ST8SIA5: variants seen among roughly 807,000 people sequenced by gnomAD.
The protein encoded by ST8SIA5 is ST8 alpha-N-acetyl-neuraminide alpha-2,8-sialyltransferase 5, also known as alpha-2,8-sialyltransferase 8E.
A neutral mutation model predicts 40.2 loss-of-function variants in ST8SIA5; 24 were observed. That is an observed-to-expected ratio of 0.60 (90% confidence interval 0.43 to 0.84). The LOEUF is 0.84. ST8SIA5 is among the 40% of genes least tolerant of loss of function. ST8SIA5 has a pLI of 0.00. For synonymous variants in ST8SIA5, 198 were observed against 201.8 expected (o/e 0.98, Z 0.16); for missense variants, 465 against 498.5 (o/e 0.93, Z 0.64).
At chr18:46,719,682 T>TTGTCTTTCTTTCTTTCTTTCTTTC (rs2039833098) in intron 1 of ST8SIA5, among the ~76,000 whole-genome samples, 1 of 107,064 alleles carries the variant, frequency 9.3e-6, no homozygotes, top group Non-Finnish European at 1.9e-5. Flanking sequence ...TTCTTTTCTT[T>TTGTCTTTCTTTCTTTCTTTCTTTC]TTTCTTTCTT....
intron 1 of ST8SIA5, among the ~76,000 whole-genome samples, chr18:46,713,843 T>C (rs1033039639): frequency 6.6e-6 from 1 of 152,038 alleles, no homozygotes; most frequent in East Asian, 1.9e-4. Flanking sequence ...CCCTCTGCCG[T>C]AGGTGGAAGC....
At chr18:46,720,889 A>G (rs1021431760) in intron 1 of ST8SIA5, among the ~76,000 whole-genome samples, 11 of 152,304 alleles carry the variant, frequency 7.2e-5, no homozygotes, top group Admixed American at 2.6e-4. Flanking sequence ...ACCTTGATGG[A>G]AATGGTTCTG....
chr18:46,723,570 AT>A (rs1334733222), intron 1 of ST8SIA5, among the ~76,000 whole-genome samples: 2 of 152,144 alleles, frequency 1.3e-5, no homozygotes, highest in African/African-American at 4.8e-5. Flanking sequence ...GAATGAATGG[AT>A]AGATGAATGA....
intron 1 of ST8SIA5, among the ~76,000 whole-genome samples, chr18:46,712,330 C>A (rs2039740928): frequency 1.3e-5 from 2 of 152,142 alleles, no homozygotes; most frequent in South Asian, 4.1e-4. Context: ...ATCCTAGCTG[C>A]CTCCTTCTCC....
At chr18:46,735,827 A>G (rs1482524051) in intron 1 of ST8SIA5, among the ~76,000 whole-genome samples, 1 of 151,834 alleles carries the variant, frequency 6.6e-6, no homozygotes, top group Non-Finnish European at 1.5e-5. Context: ...TGCCCAGGCT[A>G]GTCTCAAATT....
chr18:46,692,994 A>G (rs1032163091), intron 2 of ST8SIA5, among the ~76,000 whole-genome samples: 6 of 151,674 alleles, frequency 4.0e-5, no homozygotes, highest in African/African-American at 1.5e-4. Context: ...ACCCTGCCTT[A>G]TCCATTCCCT....
intron 1 of ST8SIA5, among the ~76,000 whole-genome samples, chr18:46,755,476 A>G (rs1167639968): frequency 6.6e-6 from 1 of 152,178 alleles, no homozygotes; most frequent in Admixed American, 6.5e-5. Flanking sequence ...AGAGGCTCTG[A>G]TATGGGTGTA....
rs2039952369 is a variant in ST8SIA5, at chr18:46,728,343, AG to A, written c.132-23680del. On this transcript the variant is annotated intron_variant, in intron 1 of 6. Transcript: ENST00000315087. ...GTGGAGGCAATTTTGTGGGGGACAC[AG>A]GAAGGGGAGGAAGTGGCACATGCGT... Among the ~76,000 whole-genome samples, 3 of 152,340 alleles carry A rather than the reference AG, an allele frequency of 2.0e-5. No homozygotes were observed. In the East Asian group the frequency reaches 5.8e-4, roughly 29 times the overall value.
intron 1 of ST8SIA5, among the ~76,000 whole-genome samples, chr18:46,743,881 C>G (rs1568279784): frequency 6.6e-6 from 1 of 152,230 alleles, no homozygotes; most frequent in Non-Finnish European, 1.5e-5. Context: ...AGAAACCCTA[C>G]AAGCCAGAAG....
chr18:46,727,407 G>A (rs1435487357), intron 1 of ST8SIA5, among the ~76,000 whole-genome samples: 1 of 152,186 alleles, frequency 6.6e-6, no homozygotes, highest in Non-Finnish European at 1.5e-5. Context: ...ATCAGAGGAT[G>A]GGGAAAGCTG....
chr18:46,668,490 C>T lies in ST8SIA5; in HGVS notation c.*11552G>A, dbSNP rs924669411. The T allele has an allele frequency of 6.5e-6, 1 of 152,804 alleles. No individual in the cohort carries two copies. Among genetic ancestry groups the T allele is most frequent in the Non-Finnish European group, 1.5e-5 (1 of 68,152 alleles). The allele number at this position is 152,804 out of a possible 1,614,324, so 9.5% of individuals were successfully genotyped here. ...GGTTTCCACAGCTCCCATGCTGACT[C>T]CAGCATCTGTCCTGGCTTTACTTGG... On this transcript the variant is annotated 3_prime_UTR_variant, in exon 7 of 7. Transcript: ENST00000315087.
chr18:46,699,402 C>T (rs1347758074), intron 2 of ST8SIA5, among the ~76,000 whole-genome samples: 3 of 150,896 alleles, frequency 2.0e-5, no homozygotes, highest in Non-Finnish European at 2.9e-5. Context: ...TTTTTTGAGA[C>T]GGAGTCTTAC....
At chr18:46,735,121 A>C (rs143109434) in intron 1 of ST8SIA5, among the ~76,000 whole-genome samples, 1 of 152,336 alleles carries the variant, frequency 6.6e-6, no homozygotes, top group Non-Finnish European at 1.5e-5. Context: ...TCGGACTCCA[A>C]GTTCTTCAAC....
chr18:46,679,403 T>C lies in ST8SIA5; in HGVS notation c.*639A>G, dbSNP rs1183661224. On this transcript the variant is annotated 3_prime_UTR_variant, in exon 7 of 7. Coordinates refer to ENST00000315087, the MANE Select transcript of ST8SIA5 (RefSeq NM_013305.6). The stretch of plus-strand genomic sequence containing the variant: ...ACTAAGACATAACCCAGGCCTTGGG[T>C]TAGATCTCTCGGTGTCACAGAAGAA... 6.5e-6 allele frequency: 1 copy of C among 153,386 alleles called. No homozygotes were observed. Among genetic ancestry groups the C allele is most frequent in the Non-Finnish European group, 1.4e-5 (1 of 69,084 alleles). 9.5% of individuals were successfully genotyped at this position (153,386 alleles called of 1,614,324 possible).
At chr18:46,697,245 A>G (rs543173724) in intron 2 of ST8SIA5, among the ~76,000 whole-genome samples, 1 of 152,260 alleles carries the variant, frequency 6.6e-6, no homozygotes, top group African/African-American at 2.4e-5. Flanking sequence ...TTTTATTTCA[A>G]GGTTAAATAT....
At chr18:46,734,366 GGA>G (rs2040014114) in intron 1 of ST8SIA5, among the ~76,000 whole-genome samples, 1 of 152,028 alleles carries the variant, frequency 6.6e-6, no homozygotes, top group African/African-American at 2.4e-5. Flanking sequence ...GGAGAGGAAC[GGA>G]GAGACCCCCA....
rs527444929 is a variant in ST8SIA5 at position 46,699,658 on chromosome 18, C to T, written c.224+4914G>A. On this transcript the variant is annotated intron_variant, in intron 2 of 6. Coordinates refer to ENST00000315087, the MANE Select transcript of ST8SIA5 (RefSeq NM_013305.6). ...CCTCCCAAAGTGCTGTGATTACAGG[C>T]ATGAGCCACCGCGCCCAGCCTTTCT... Among the ~76,000 whole-genome samples the T allele has an allele frequency of 6.0e-4, 92 of 152,316 alleles. 1 individual carries two copies. The Middle Eastern group carries it at 0.014, about 23-fold the overall frequency.
At chr18:46,725,545 G>C (rs1398081652) in intron 1 of ST8SIA5, among the ~76,000 whole-genome samples, 1 of 152,006 alleles carries the variant, frequency 6.6e-6, no homozygotes, top group African/African-American at 2.4e-5. Context: ...ACGGGTGGGG[G>C]GGGAACAAGT....
intron 1 of ST8SIA5, chr18:46,721,293 T>C: frequency 7.3e-7 from 1 of 1,375,382 alleles, no homozygotes; most frequent in Non-Finnish European, 1.0e-6. Flanking sequence ...GTGGACAATG[T>C]GGCAGGGGCT....
Sources: gnomAD v4.1 joint callset for allele counts (sites outside exome capture counted in the v4.1 genomes callset) on GRCh38, gnomAD v4.1.1 for gene constraint, MANE v1.5 for transcripts, NCBI Gene and HGNC (gene_info 2026-07-23, HGNC 2026-07-21) for gene names.